The following UFSP2 variants were observed in gnomAD, a reference collection of about 807,000 sequenced individuals.
UFSP2 encodes UFM1 specific peptidase 2.
A neutral mutation model predicts 60.2 loss-of-function variants in UFSP2; 43 were observed. The observed-to-expected ratio is 0.71, with a 90% CI of 0.56 to 0.92. UFSP2 has a LOEUF of 0.92. UFSP2 is among the 40% of genes least tolerant of loss of function. The pLI is 0.00. For synonymous variants in UFSP2, 183 were observed against 195.1 expected, an observed-to-expected ratio of 0.94 and a Z score of 0.52; for missense variants, 520 against 575.0, an observed-to-expected ratio of 0.90 and a Z score of 0.98.
intron 1 of UFSP2, among the ~76,000 whole-genome samples, chr4:185,423,790 TCATACATATATA>T (rs1402238831): frequency 1.3e-5 from 2 of 151,868 alleles, no homozygotes; most frequent in African/African-American, 2.4e-5. Context: ...ATACACATAT[TCATACATATATA>T]CATACATATA....
chr4:185,420,140 T>G (rs2095546734), intron 2 of UFSP2, among the ~76,000 whole-genome samples: 1 of 151,910 alleles, frequency 6.6e-6, no homozygotes, highest in African/African-American at 2.4e-5. Context: ...TATATCCCAC[T>G]AGGCCTATAT....
chr4:185,425,955 G>A lies in UFSP2; in HGVS notation c.-87C>T, dbSNP rs1156694288. On this transcript the variant is annotated 5_prime_UTR_variant, in exon 1 of 12. Coordinates refer to ENST00000264689, the MANE Select transcript of UFSP2 (RefSeq NM_018359.5). ...TGAAGTGGTGTCACCGCACGGCCCAGGGGCGGGGCCCGGGCGGACCAACTA... is the reference window on the plus strand; with the variant it reads ...TGAAGTGGTGTCACCGCACGGCCCAAGGGCGGGGCCCGGGCGGACCAACTA... 39 of 1,504,622 alleles carry A rather than the reference G, an allele frequency of 2.6e-5. No homozygotes were observed. Among genetic ancestry groups the A allele is most frequent in the Admixed American group, 1.2e-4 (6 of 50,340 alleles). 93.2% of individuals were successfully genotyped at this position (1,504,622 alleles called of 1,614,324 possible).
In UFSP2 at chr4:185,403,980, AAAAAAAAC is replaced by A. The variant is rs1353304293; in HGVS notation, c.1199-370_1199-363del. ...AGCAAGACTCTCAAAAAAAAAAACA[AAAAAAAAC>A]AACATTACTTTGCTTATTAACTGAT... is the stretch of plus-strand genomic sequence containing the variant. On this transcript the variant is annotated intron_variant, in intron 10 of 11. Transcript: ENST00000264689. Among the ~76,000 whole-genome samples, 114 of 151,352 alleles carry A rather than the reference AAAAAAAAC, an allele frequency of 7.5e-4. 9 individuals are homozygous for A. Among genetic ancestry groups the A allele is most frequent in the Admixed American group, 2.2e-3 (33 of 15,204 alleles).
Position 185,422,507 on chromosome 4 carries a change from A to C in UFSP2, c.60T>G (p.Ala20=). The stretch of plus-strand genomic sequence containing the variant: ...TACCATTAGGAGTAGCTAGCTGAAA[A>C]GCCAAATCAAGGCCTCCTCTTATTC... The part of the protein sequence containing the change: ...LFRIRGGLDL[A]FQLATPNEIF... Residue 20 remains alanine, a synonymous_variant, in exon 2 of 12, where the codon GCT becomes GCG. Coordinates refer to ENST00000264689, the MANE Select transcript of UFSP2 (RefSeq NM_018359.5). 1.2e-6 allele frequency: 2 copies of C among 1,611,608 alleles called. No homozygotes were observed. Among genetic ancestry groups the C allele is most frequent in the Non-Finnish European group, 1.7e-6 (2 of 1,179,352 alleles).
Position 185,415,467 on chromosome 4 carries a change from G to A in UFSP2, c.492-120C>T, listed in dbSNP as rs182625006. On this transcript the variant is annotated intron_variant, in intron 5 of 11. Coordinates refer to ENST00000264689, the MANE Select transcript of UFSP2 (RefSeq NM_018359.5). ...CTTGATTGGACCAGGTTTGCTAAAGGAAGTCTGAATTATACATTATAAAAG... is the reference window on the plus strand; with the variant it reads ...CTTGATTGGACCAGGTTTGCTAAAGAAAGTCTGAATTATACATTATAAAAG... The A allele has an allele frequency of 8.6e-5, 78 of 910,436 alleles. No individual in the cohort carries two copies. In the East Asian group the frequency reaches 2.1e-3, roughly 25 times the overall value. 56.4% of individuals were successfully genotyped at this position (910,436 alleles called of 1,614,324 possible).
chr4:185,415,266 T>A lies in UFSP2; in HGVS notation c.573A>T (p.Thr191=), dbSNP rs367904498. The change falls in exon 6 of 12, where the codon ACA becomes ACT. Residue 191 remains threonine (T), a synonymous_variant. Coordinates refer to ENST00000264689, the MANE Select transcript of UFSP2 (RefSeq NM_018359.5). ...GCAGTGGTTCAGGGACCACAATAGATGTTCCTTTCATATATTTCAAAATAC... is the reference window on the plus strand; with the variant it reads ...GCAGTGGTTCAGGGACCACAATAGAAGTTCCTTTCATATATTTCAAAATAC... ...EKCILKYMKG[T]SIVVPEPLHF... The A allele has an allele frequency of 1.2e-6, 2 of 1,602,524 alleles. No homozygotes were observed. The highest frequency in any genetic ancestry group is 2.7e-5 in the African/African-American group (2 of 74,402).
chr4:185,402,096 C>T (rs568482814), intron 11 of UFSP2, among the ~76,000 whole-genome samples: 35 of 152,138 alleles, frequency 2.3e-4, no homozygotes, highest in African/African-American at 8.2e-4. Flanking sequence ...GTAGAAGCAC[C>T]TGAGATACCA....
At position 185,400,250 on chromosome 4, in the gene UFSP2, C is replaced by T. The variant is rs965630368; in HGVS notation, c.*142G>A. 16 of 743,988 alleles carry T rather than the reference C, an allele frequency of 2.2e-5. No individual in the cohort carries two copies. Among genetic ancestry groups the T allele is most frequent in the Non-Finnish European group, 3.0e-5 (14 of 464,306 alleles). The allele number at this position is 743,988 out of a possible 1,614,324, so 46.1% of individuals were successfully genotyped here. On this transcript the variant is annotated 3_prime_UTR_variant, in exon 12 of 12. Coordinates refer to ENST00000264689, the MANE Select transcript of UFSP2 (RefSeq NM_018359.5). ...AAGGAACGTCTAAAAAATACATTCT[C>T]CGTGCAGTATTTACAACCTTTGAAA...
rs781422747 is a variant in UFSP2, at chr4:185,400,066, A to T, written c.*326T>A. ...CTGAAGAACGCCTTCATTTCATGCA[A>T]ATCTATAAGCTCCTGCTTTTGGCTT... On this transcript the variant is annotated 3_prime_UTR_variant, in exon 12 of 12. Transcript: ENST00000264689. 2 of 1,504,472 alleles carry T rather than the reference A, an allele frequency of 1.3e-6. No homozygotes were observed. Among genetic ancestry groups the T allele is most frequent in the African/African-American group, 2.8e-5 (2 of 71,710 alleles). The allele number at this position is 1,504,472 out of a possible 1,614,324, so 93.2% of individuals were successfully genotyped here.
At chr4:185,408,954 C>T (rs943037231) in intron 7 of UFSP2, among the ~76,000 whole-genome samples, 1 of 152,102 alleles carries the variant, frequency 6.6e-6, no homozygotes, top group Non-Finnish European at 1.5e-5. Flanking sequence ...TATATCATGA[C>T]TTGATATACT....
intron 7 of UFSP2, among the ~76,000 whole-genome samples, chr4:185,412,825 G>A (rs1382023120): frequency 1.3e-5 from 2 of 152,096 alleles, no homozygotes; most frequent in African/African-American, 4.8e-5. Context: ...AAGAGGCCCA[G>A]CTCTATTGGT....
chr4:185,421,689 G>A (rs1236673356), intron 2 of UFSP2, among the ~76,000 whole-genome samples: 1 of 152,156 alleles, frequency 6.6e-6, no homozygotes, highest in Non-Finnish European at 1.5e-5. Context: ...AAATGACCCA[G>A]TCTCAGGTAT....
rs142750077 is a variant in UFSP2 at position 185,416,156 on chromosome 4, A to C, written c.334-289T>G. Reference sequence around the variant, plus strand: ...TAAAAAGATTAAAAGCACAAATATTATTTTAAAAAGAAATTATTTTCTGCT... The same window carrying C: ...TAAAAAGATTAAAAGCACAAATATTCTTTTAAAAAGAAATTATTTTCTGCT... On this transcript the variant is annotated intron_variant, in intron 4 of 11. Transcript: ENST00000264689. 47 of 206,408 alleles carry C rather than the reference A, an allele frequency of 2.3e-4. 1 individual carries two copies. In the East Asian group the frequency reaches 5.0e-3, roughly 22 times the overall value. The allele number at this position is 206,408 out of a possible 1,614,324, so 12.8% of individuals were successfully genotyped here. A position where few individuals can be genotyped will look rare whatever the true frequency, so the allele number is the denominator to read the frequency against.
chr4:185,414,904 C>T (rs1025876570), intron 6 of UFSP2, among the ~76,000 whole-genome samples: 12 of 152,090 alleles, frequency 7.9e-5, no homozygotes, highest in Non-Finnish European at 1.5e-4. Context: ...TAAAATTTCA[C>T]AGAATATATG....
In UFSP2 at chr4:185,415,770, A is replaced by G. The variant is rs749529362; in HGVS notation, c.431T>C (p.Val144Ala). Residue 144 changes from valine (V) to alanine (A), a missense_variant, in exon 5 of 12, where the codon GTT (valine) becomes GCT (alanine). Transcript: ENST00000264689. ...TGCATCGACAGGTAAAGTCATATTAACATAATGGTGTCCTCCGCTTTCCCT... is the reference window on the plus strand; with the variant it reads ...TGCATCGACAGGTAAAGTCATATTAGCATAATGGTGTCCTCCGCTTTCCCT... ...IERESGGHHY[V>A]NMTLPVDAVI... is the part of the protein sequence containing the mutation. 1 of 1,613,894 alleles carries G rather than the reference A, an allele frequency of 6.2e-7. No individual in the cohort carries two copies. Among genetic ancestry groups the G allele is most frequent in the East Asian group, 2.2e-5 (1 of 44,878 alleles).
intron 11 of UFSP2, chr4:185,400,769 T>G: frequency 3.6e-6 from 1 of 279,724 alleles, no homozygotes. Flanking sequence ...GATGTATAGT[T>G]TTACCACTTG....
intron 7 of UFSP2, among the ~76,000 whole-genome samples, chr4:185,411,144 G>T (rs548394132): frequency 6.7e-6 from 1 of 148,202 alleles, no homozygotes; most frequent in East Asian, 2.0e-4. Context: ...AAAGACACAA[G>T]GCATAAAAAT....
rs1340645470 is a variant in UFSP2 at position 185,415,291 on chromosome 4, C to T, written c.548G>A (p.Cys183Tyr). 6.2e-7 allele frequency: 1 copy of T among 1,601,654 alleles called. No homozygotes were observed. The change falls in exon 6 of 12, where the codon TGT becomes TAT. Residue 183 changes from cysteine to tyrosine, a missense_variant. Coordinates refer to ENST00000264689, the MANE Select transcript of UFSP2 (RefSeq NM_018359.5). The stretch of plus-strand genomic sequence containing the variant: ...TGTTCCTTTCATATATTTCAAAATA[C>T]ATTTTTCCATGTCAGTTAGTTGATT... ...IHNQLTDMEK[C>Y]ILKYMKGTSI... is the part of the protein sequence containing the mutation.
At chr4:185,414,065 A>G (rs1209737939) in intron 6 of UFSP2, among the ~76,000 whole-genome samples, 193 bp from the exon 7 acceptor site, 2 of 152,198 alleles carry the variant, frequency 1.3e-5, no homozygotes, top group African/African-American at 4.8e-5. Context: ...ATTTTCGTTT[A>G]CGTCTGTATC....
Sources: allele counts gnomAD v4.1 joint callset (sites outside exome capture counted in the v4.1 genomes callset), GRCh38; gene constraint gnomAD v4.1.1; transcripts MANE v1.5; gene names NCBI Gene and HGNC (gene_info 2026-07-23, HGNC 2026-07-21).